RALGAPA2: variants seen among roughly 807,000 people sequenced by gnomAD.
RALGAPA2 encodes the protein Ral GTPase activating protein catalytic subunit alpha 2.
In RALGAPA2, 139 loss-of-function variants were observed where a neutral mutation model predicts 230.4. The observed-to-expected ratio is 0.60, with a 90% CI of 0.53 to 0.69. The LOEUF is 0.69. Ranked by LOEUF, RALGAPA2 falls within the 30% of genes least tolerant of loss-of-function variation. The probability of loss-of-function intolerance (pLI) is 0.00; values close to 1 mark genes in which losing one functional copy is unlikely to be tolerated. For missense variants in RALGAPA2, 2,163 were observed against 2,276.0 expected (o/e 0.95, Z 1.01); for synonymous variants, 847 against 837.8 (o/e 1.01, Z -0.19).
At chr20:20,574,574 A>C (rs1411963193) in intron 20 of RALGAPA2, among the ~76,000 whole-genome samples, 1 of 152,208 alleles carries the variant, frequency 6.6e-6, no homozygotes, top group Non-Finnish European at 1.5e-5. Flanking sequence ...TAAACAGAAA[A>C]GCAGCCAAAG....
chr20:20,400,406 C>T (rs376410612), intron 38 of RALGAPA2, among the ~76,000 whole-genome samples: 117 of 152,214 alleles, frequency 7.7e-4, no homozygotes, highest in African/African-American at 2.6e-3. Flanking sequence ...GTGCATGGAG[C>T]GTGTGCCTGT....
intron 27 of RALGAPA2, 78 bp downstream of exon 27, chr20:20,531,609 T>C (rs1289106993): frequency 2.6e-6 from 3 of 1,174,990 alleles, no homozygotes; most frequent in Non-Finnish European, 3.7e-6. Context: ...ATAAAAAAGA[T>C]GGGGCTAATT....
At chr20:20,660,607 G>A (rs1297936019) in intron 3 of RALGAPA2, among the ~76,000 whole-genome samples, 1 of 151,870 alleles carries the variant, frequency 6.6e-6, no homozygotes, top group Non-Finnish European at 1.5e-5. Flanking sequence ...TATAGTACCT[G>A]GCATCTAACC....
intron 37 of RALGAPA2, among the ~76,000 whole-genome samples, chr20:20,466,782 A>T (rs2061430089): frequency 6.6e-6 from 1 of 152,244 alleles, no homozygotes. Context: ...GACATTGTTC[A>T]CAATGACTGC....
At chr20:20,410,727 T>C (rs1042932947) in intron 38 of RALGAPA2, among the ~76,000 whole-genome samples, 1 of 152,236 alleles carries the variant, frequency 6.6e-6, no homozygotes, top group Non-Finnish European at 1.5e-5. Flanking sequence ...TAAGAAACAT[T>C]AATCAAAGCT....
intron 1 of RALGAPA2, among the ~76,000 whole-genome samples, chr20:20,707,393 G>A (rs1316172333): frequency 6.6e-6 from 1 of 151,728 alleles, no homozygotes; most frequent in Non-Finnish European, 1.5e-5. Context: ...TCAGGAAAAG[G>A]GAAGGAAGAA....
chr20:20,638,003 C>T (rs1344197422), intron 7 of RALGAPA2, among the ~76,000 whole-genome samples: 1 of 152,156 alleles, frequency 6.6e-6, no homozygotes, highest in Non-Finnish European at 1.5e-5. Flanking sequence ...AATGCATTCT[C>T]CGTATTAAAA....
intron 36 of RALGAPA2, among the ~76,000 whole-genome samples, chr20:20,486,561 T>C (rs2123511675): frequency 6.6e-6 from 1 of 152,314 alleles, no homozygotes; most frequent in East Asian, 1.9e-4. Flanking sequence ...CTGTGCTTTG[T>C]ATGTGTCTAG....
At chr20:20,590,671 G>T (rs1354726623) in intron 17 of RALGAPA2, among the ~76,000 whole-genome samples, 1 of 152,206 alleles carries the variant, frequency 6.6e-6, no homozygotes, top group Non-Finnish European at 1.5e-5. Flanking sequence ...AAACCGTGTA[G>T]ATTAATGCTA....
intron 1 of RALGAPA2, among the ~76,000 whole-genome samples, chr20:20,689,604 T>C (rs1381613094): frequency 6.6e-6 from 1 of 152,190 alleles, no homozygotes; most frequent in Non-Finnish European, 1.5e-5. Context: ...ATCGCGCCAC[T>C]GCACACCAGC....
intron 26 of RALGAPA2, among the ~76,000 whole-genome samples, chr20:20,533,060 A>C (rs2063408042): frequency 1.3e-5 from 2 of 151,992 alleles, no homozygotes; most frequent in South Asian, 4.1e-4. Flanking sequence ...AAAGAAAGAA[A>C]GAAAAATGGG....
Position 20,635,079 on chromosome 20 carries a change from G to C in RALGAPA2, c.1005+339C>G, listed in dbSNP as rs76122222. On this transcript the variant is annotated intron_variant, in intron 9 of 39. Coordinates refer to ENST00000202677, the MANE Select transcript of RALGAPA2 (RefSeq NM_020343.4). Reference sequence around the variant, plus strand: ...AGTGCCTTCCAGCTACTGGGGCTTGGTGAAAGCAAGACAGGCCTCTGTTCT... The same window carrying C: ...AGTGCCTTCCAGCTACTGGGGCTTGCTGAAAGCAAGACAGGCCTCTGTTCT... Among the ~76,000 whole-genome samples, 856 of 152,252 alleles carry C rather than the reference G, an allele frequency of 5.6e-3. 10 individuals are homozygous for C. Among genetic ancestry groups the C allele is most frequent in the African/African-American group, 0.02 (817 of 41,544 alleles).
Position 20,712,633 on chromosome 20 carries a change from A to T in RALGAPA2, c.-153T>A. ...CCGCCGCCGCCGCCGCCGCCGCCTC[A>T]GCTGTGTCTCCAGGAAGGAGGGGCG... On this transcript the variant is annotated 5_prime_UTR_variant, in exon 1 of 40. Coordinates refer to ENST00000202677, the MANE Select transcript of RALGAPA2 (RefSeq NM_020343.4). This position sits in a 1 kb window ranked among gnomAD's most constrained non-coding sequence, Gnocchi z 5.5. 1 of 1,078,764 alleles carries T rather than the reference A, an allele frequency of 9.3e-7. No individual in the cohort carries two copies. The highest frequency in any genetic ancestry group is 1.2e-6 in the Non-Finnish European group (1 of 862,890). The allele number at this position is 1,078,764 out of a possible 1,614,324, so 66.8% of individuals were successfully genotyped here. A position where few individuals can be genotyped will look rare whatever the true frequency, so the allele number is the denominator to read the frequency against.
chr20:20,712,642 T>G lies in RALGAPA2; in HGVS notation c.-162A>C, dbSNP rs2069942950. On this transcript the variant is annotated 5_prime_UTR_variant, in exon 1 of 40. Coordinates refer to ENST00000202677, the MANE Select transcript of RALGAPA2 (RefSeq NM_020343.4). The surrounding 1 kb of genome is among the most constrained non-coding windows in gnomAD (Gnocchi z 5.5). ...CCGCCGCCGCCGCCTCAGCTGTGTC[T>G]CCAGGAAGGAGGGGCGGGCCGGTCA... Among the ~76,000 whole-genome samples the G allele has an allele frequency of 2.0e-5, 3 of 147,398 alleles. No individual in the cohort carries two copies. Among genetic ancestry groups the G allele is most frequent in the African/African-American group, 2.5e-5 (1 of 40,496 alleles).
At chr20:20,510,674 A>G (rs1156689916) in intron 33 of RALGAPA2, among the ~76,000 whole-genome samples, 1 of 152,200 alleles carries the variant, frequency 6.6e-6, no homozygotes, top group South Asian at 2.1e-4. Flanking sequence ...CAAATCAAAC[A>G]CTTTTCATGG....
intron 35 of RALGAPA2, among the ~76,000 whole-genome samples, chr20:20,502,404 A>G (rs539418049): frequency 9.2e-5 from 14 of 152,370 alleles, no homozygotes; most frequent in South Asian, 4.1e-4. Context: ...GATGATGGTC[A>G]GAGACATCTT....
At chr20:20,649,858 T>C (rs902325985) in intron 4 of RALGAPA2, among the ~76,000 whole-genome samples, 2 of 152,208 alleles carry the variant, frequency 1.3e-5, no homozygotes, top group African/African-American at 4.8e-5. Flanking sequence ...TTCTTTGCCA[T>C]TGCCTCACTC....
chr20:20,580,591 T>C (rs1428566907), intron 20 of RALGAPA2, among the ~76,000 whole-genome samples: 1 of 152,168 alleles, frequency 6.6e-6, no homozygotes, highest in Non-Finnish European at 1.5e-5. Context: ...CCCATTTTGT[T>C]CCTTCTGCCT....
intron 8 of RALGAPA2, among the ~76,000 whole-genome samples, chr20:20,636,442 T>A (rs1241443177): frequency 6.6e-6 from 1 of 152,182 alleles, no homozygotes; most frequent in African/African-American, 2.4e-5. Flanking sequence ...TGAAAAAATA[T>A]TCACATATAT....
Sources: gnomAD v4.1 joint callset for allele counts (sites outside exome capture counted in the v4.1 genomes callset) on GRCh38, gnomAD v4.1.1 for gene constraint, Gnocchi (gnomAD v3.1) non-coding constraint, MANE v1.5 for transcripts, NCBI Gene and HGNC (gene_info 2026-07-23, HGNC 2026-07-21) for gene names.